Variants in NBEA observed in about 807,000 individuals in gnomAD.
NBEA encodes neurobeachin.
A neutral mutation model predicts 343.4 loss-of-function variants in NBEA; 44 were observed. The observed-to-expected ratio is 0.13, with a 90% confidence interval of 0.10 to 0.16. The LOEUF is 0.16. Ranked by LOEUF, NBEA falls within the 10% of genes least tolerant of loss-of-function variation. The pLI, the probability that NBEA is intolerant of heterozygous loss-of-function variation, is 1.00. For missense variants in NBEA, 2,555 were observed against 3,631.3 expected, an observed-to-expected ratio of 0.70 and a Z score of 7.62; for synonymous variants, 1,175 against 1,238.7, an observed-to-expected ratio of 0.95 and a Z score of 1.08.
chr13:35,448,478 G>T (rs978444112), intron 39 of NBEA, among the ~76,000 whole-genome samples: 2 of 152,112 alleles, frequency 1.3e-5, no homozygotes, highest in African/African-American at 4.8e-5. Context: ...GAGATACCCT[G>T]GGAACTTCAG....
chr13:35,068,123 C>A (rs190706052), intron 8 of NBEA, among the ~76,000 whole-genome samples: 1 of 152,120 alleles, frequency 6.6e-6, no homozygotes, highest in East Asian at 1.9e-4. Context: ...TTAATGGATT[C>A]TATGTTTATA....
intron 30 of NBEA, among the ~76,000 whole-genome samples, chr13:35,194,508 C>G (rs2072438255): frequency 6.6e-6 from 1 of 152,090 alleles, no homozygotes; most frequent in South Asian, 2.1e-4. Flanking sequence ...CTGTGCTTCT[C>G]ATTTTCAAAG....
At chr13:34,954,132 A>G (rs949449812) in intron 1 of NBEA, among the ~76,000 whole-genome samples, 9 of 152,182 alleles carry the variant, frequency 5.9e-5, no homozygotes, top group African/African-American at 1.9e-4. Context: ...TTTACATTGT[A>G]TTAGGTATTA....
chr13:35,084,576 C>T (rs1053675322), intron 10 of NBEA, among the ~76,000 whole-genome samples: 3 of 152,046 alleles, frequency 2.0e-5, no homozygotes, highest in African/African-American at 4.8e-5. Flanking sequence ...GGGACACATT[C>T]AAAGCAGTGT....
chr13:35,286,796 T>G (rs924862320), intron 34 of NBEA, among the ~76,000 whole-genome samples: 4 of 152,070 alleles, frequency 2.6e-5, no homozygotes, highest in Non-Finnish European at 4.4e-5. Flanking sequence ...TGTTTTGTTT[T>G]ATCTTGTTTT....
intron 1 of NBEA, among the ~76,000 whole-genome samples, chr13:35,000,399 A>G (rs1449403524): frequency 1.3e-5 from 2 of 152,072 alleles, no homozygotes; most frequent in Non-Finnish European, 2.9e-5. Context: ...GAAGATAGAT[A>G]TGCTTGCTTG....
At chr13:35,010,709 G>A (rs1402665660) in intron 1 of NBEA, among the ~76,000 whole-genome samples, 2 of 83,374 alleles carry the variant, frequency 2.4e-5, no homozygotes, top group Non-Finnish European at 4.8e-5. Flanking sequence ...GGACAACATA[G>A]CAAGACTGGG....
At position 35,667,604 on chromosome 13, in the gene NBEA, A is replaced by T. The variant is rs116000239; in HGVS notation, c.8661+34A>T. 899 of 1,544,522 alleles carry T rather than the reference A, an allele frequency of 5.8e-4. 4 individuals are homozygous for T. In the African/African-American group the frequency reaches 0.01, roughly 17 times the overall value. On this transcript the variant is annotated intron_variant, in intron 57 of 58. Transcript: ENST00000379939. Reference sequence around the variant, plus strand: ...GCATAGTTCGTGCTAAGTAGGACTGAAGCCAAGAGATTAAAGATTGATTGT... The same window carrying T: ...GCATAGTTCGTGCTAAGTAGGACTGTAGCCAAGAGATTAAAGATTGATTGT...
At chr13:35,436,224 A>T (rs1342335904) in intron 39 of NBEA, among the ~76,000 whole-genome samples, 3 of 152,234 alleles carry the variant, frequency 2.0e-5, no homozygotes, top group African/African-American at 7.2e-5. Flanking sequence ...GTGTTTAAGT[A>T]TTTTGAAGTC....
intron 36 of NBEA, among the ~76,000 whole-genome samples, chr13:35,341,837 C>A (rs545961240): frequency 6.6e-6 from 1 of 152,118 alleles, no homozygotes; most frequent in Admixed American, 6.6e-5. Flanking sequence ...ACAAGTTAAA[C>A]ATAGAGTTAC....
intron 34 of NBEA, among the ~76,000 whole-genome samples, chr13:35,274,622 C>G (rs2034443067): frequency 6.6e-6 from 1 of 152,178 alleles, no homozygotes; most frequent in Non-Finnish European, 1.5e-5. Context: ...ACCCCATCAT[C>G]TCAGCCCCAA....
At chr13:35,621,060 A>G (rs2082967920) in intron 48 of NBEA, among the ~76,000 whole-genome samples, 1 of 152,170 alleles carries the variant, frequency 6.6e-6, no homozygotes, top group East Asian at 1.9e-4. Context: ...CAACATGTTT[A>G]TCCTCCGCTA....
intron 1 of NBEA, among the ~76,000 whole-genome samples, chr13:34,946,969 T>G (rs532668024): frequency 1.7e-4 from 26 of 151,904 alleles, no homozygotes; most frequent in African/African-American, 5.8e-4. Context: ...AAACAAGGTG[T>G]CTTCTGCATT....
At chr13:35,104,279 C>T (rs564880810) in intron 11 of NBEA, among the ~76,000 whole-genome samples, 181 of 152,032 alleles carry the variant, frequency 1.2e-3, no homozygotes, top group Non-Finnish European at 2.0e-3. Context: ...AGTATTCCTT[C>T]CATAACCATC....
At position 35,624,239 on chromosome 13, in the gene NBEA, A is replaced by T. The variant is rs1048235789; in HGVS notation, c.7450-3842A>T. On this transcript the variant is annotated intron_variant, in intron 48 of 58. Transcript: ENST00000379939. Reference sequence around the variant, plus strand: ...GTGTAACTACTAAGAGTGGCTACAAACACAATCAACTTCTAGAAATCAGTA... The same window carrying T: ...GTGTAACTACTAAGAGTGGCTACAATCACAATCAACTTCTAGAAATCAGTA... Among the ~76,000 whole-genome samples, 54 of 152,186 alleles carry T rather than the reference A, an allele frequency of 3.5e-4. 1 individual carries two copies. The highest frequency in any genetic ancestry group is 3.0e-3 in the Admixed American group (46 of 15,276).
intron 6 of NBEA, among the ~76,000 whole-genome samples, chr13:35,055,255 G>C (rs540454077): frequency 6.6e-6 from 1 of 151,802 alleles, no homozygotes; most frequent in Non-Finnish European, 1.5e-5. Context: ...TCGATTTTAG[G>C]CTATTAACTC....
chr13:35,657,068 G>T (rs1342892936), intron 55 of NBEA, among the ~76,000 whole-genome samples: 1 of 152,134 alleles, frequency 6.6e-6, no homozygotes, highest in Non-Finnish European at 1.5e-5. Flanking sequence ...CAGGAATACC[G>T]CAAAAATAGG....
At chr13:35,428,680 G>A (rs2044878220) in intron 38 of NBEA, among the ~76,000 whole-genome samples, 1 of 151,866 alleles carries the variant, frequency 6.6e-6, no homozygotes, top group South Asian at 2.1e-4. Context: ...TTTCAATCAT[G>A]GCTCTTTTAA....
intron 38 of NBEA, among the ~76,000 whole-genome samples, chr13:35,423,233 T>A (rs1000345923): frequency 6.6e-6 from 1 of 151,982 alleles, no homozygotes; most frequent in Non-Finnish European, 1.5e-5. Context: ...CATGCCTATG[T>A]TCCTGAATGG....
Sources: allele counts gnomAD v4.1 joint callset (sites outside exome capture counted in the v4.1 genomes callset), GRCh38; gene constraint gnomAD v4.1.1; transcripts MANE v1.5; gene names NCBI Gene and HGNC (gene_info 2026-07-23, HGNC 2026-07-21).